TBC1D4: variants seen among roughly 807,000 people sequenced by gnomAD.
TBC1D4 encodes the protein TBC1 domain family member 4.
Under a neutral mutation model 142.5 loss-of-function variants are expected in TBC1D4, and 121 were observed. That is an observed-to-expected ratio of 0.85 (90% confidence interval 0.73 to 0.99). The LOEUF (loss-of-function observed/expected upper bound fraction) is 0.99, where lower values mean the gene tolerates loss of function less well. Among genes scored for constraint, TBC1D4 ranks in the 50% least tolerant of loss-of-function variants. The probability of loss-of-function intolerance (pLI) is 0.00; values close to 1 mark genes in which losing one functional copy is unlikely to be tolerated. For missense variants in TBC1D4, 1,475 were observed against 1,606.6 expected (o/e 0.92, Z 1.40); for synonymous variants, 630 against 628.2 (o/e 1.00, Z -0.04).
intron 1 of TBC1D4, among the ~76,000 whole-genome samples, chr13:75,412,408 G>A (rs2138404673): frequency 6.6e-6 from 1 of 152,166 alleles, no homozygotes; most frequent in South Asian, 2.1e-4. Context: ...TCAGGTTCCT[G>A]AGTAGCTGGG....
intron 4 of TBC1D4, among the ~76,000 whole-genome samples, chr13:75,354,732 A>G (rs1881899760): frequency 6.6e-6 from 1 of 151,964 alleles, no homozygotes; most frequent in Non-Finnish European, 1.5e-5. Context: ...ACATCCTAGG[A>G]TACCACTTTC....
intron 14 of TBC1D4, among the ~76,000 whole-genome samples, chr13:75,308,595 A>G (rs1443336599): frequency 6.6e-6 from 1 of 152,194 alleles, no homozygotes; most frequent in African/African-American, 2.4e-5. Flanking sequence ...TTTTATTTGT[A>G]CATACTCCCA....
chr13:75,348,292 G>C (rs750350527), intron 5 of TBC1D4, among the ~76,000 whole-genome samples: 37 of 152,216 alleles, frequency 2.4e-4, no homozygotes, highest in Middle Eastern at 3.4e-3. Context: ...CCAGTGTCTA[G>C]ACCAATCTCT....
intron 7 of TBC1D4, among the ~76,000 whole-genome samples, chr13:75,340,480 T>C (rs562736845): frequency 1.1e-3 from 162 of 152,304 alleles, no homozygotes; most frequent in Middle Eastern, 3.4e-3. Context: ...TGAAATAAAA[T>C]GTTCATATGA....
intron 1 of TBC1D4, among the ~76,000 whole-genome samples, chr13:75,480,070 T>A (rs556681488): frequency 1.3e-5 from 2 of 151,372 alleles, no homozygotes; most frequent in African/African-American, 2.4e-5. Context: ...ACTGATGAAA[T>A]CTAAGACAAT....
At chr13:75,404,822 T>C (rs1885252299) in intron 1 of TBC1D4, among the ~76,000 whole-genome samples, 1 of 152,174 alleles carries the variant, frequency 6.6e-6, no homozygotes, top group South Asian at 2.1e-4. Flanking sequence ...AGTTAAAAAT[T>C]GAACAAGAGT....
At chr13:75,455,900 T>TATTAACCAACCAGTTA (rs1419748604) in intron 1 of TBC1D4, among the ~76,000 whole-genome samples, 1 of 152,152 alleles carries the variant, frequency 6.6e-6, no homozygotes, top group Non-Finnish European at 1.5e-5. Flanking sequence ...TTAACAAAAA[T>TATTAACCAACCAGTTA]ATTAACCAAT....
intron 1 of TBC1D4, among the ~76,000 whole-genome samples, chr13:75,384,561 G>GAA (rs11452903): frequency 4.6e-5 from 6 of 130,190 alleles, no homozygotes; most frequent in Admixed American, 7.7e-5. Flanking sequence ...AAAGATAAAG[G>GAA]AAAAAAAAAA....
intron 19 of TBC1D4, among the ~76,000 whole-genome samples, chr13:75,290,116 A>G (rs1218750695): frequency 6.6e-6 from 1 of 152,154 alleles, no homozygotes; most frequent in Non-Finnish European, 1.5e-5. Flanking sequence ...TATATTTTTA[A>G]TTATAAATCA....
At chr13:75,469,956 G>A (rs574640965) in intron 1 of TBC1D4, among the ~76,000 whole-genome samples, 1 of 152,108 alleles carries the variant, frequency 6.6e-6, no homozygotes, top group South Asian at 2.1e-4. Context: ...CAGAGGAGAG[G>A]GCTGGGCTAT....
At chr13:75,298,916 T>G (rs1482461826) in intron 17 of TBC1D4, among the ~76,000 whole-genome samples, 1 of 152,194 alleles carries the variant, frequency 6.6e-6, no homozygotes, top group East Asian at 1.9e-4. Context: ...GCTATTTGTG[T>G]ACTCAAAAGT....
chr13:75,442,764 C>T (rs935401081), intron 1 of TBC1D4, among the ~76,000 whole-genome samples: 24 of 144,922 alleles, frequency 1.7e-4, no homozygotes, highest in East Asian at 1.6e-3. Flanking sequence ...GGCAACAGAG[C>T]GAGACTCGGT....
rs1407750295 is a variant in TBC1D4, at chr13:75,406,871, AG to A, written c.499-44265del. Reference sequence around the variant, plus strand: ...AGCCTTGGACTTGGAAAACAGACCCAGCACCTAAGGATTAATTAAGGGTCTC... The same window carrying A: ...AGCCTTGGACTTGGAAAACAGACCCACACCTAAGGATTAATTAAGGGTCTC... On this transcript the variant is annotated intron_variant, in intron 1 of 20. Transcript: ENST00000377636. Among the ~76,000 whole-genome samples the A allele has an allele frequency of 3.9e-5, 6 of 152,284 alleles. No homozygotes were observed. The East Asian group carries it at 1.2e-3, about 29-fold the overall frequency.
intron 20 of TBC1D4, 76 bp from the exon 21 acceptor site, chr13:75,287,101 A>G: frequency 3.6e-6 from 4 of 1,096,600 alleles, no homozygotes; most frequent in Non-Finnish European, 5.5e-6. Flanking sequence ...ATATTAACCA[A>G]TTACTTCAAA....
intron 4 of TBC1D4, among the ~76,000 whole-genome samples, chr13:75,354,877 C>A (rs1297505933): frequency 2.6e-5 from 4 of 152,188 alleles, no homozygotes; most frequent in African/African-American, 9.7e-5. Context: ...TCTCAAATTT[C>A]TATCTCAAGT....
rs190368195 is a variant in TBC1D4 at position 75,342,994 on chromosome 13, T to C, written c.1409-1407A>G. 2.6e-3 allele frequency among the ~76,000 whole-genome samples: 401 copies of C among 152,282 alleles called. 9 individuals carry two copies. In the South Asian group the frequency reaches 0.054, roughly 20 times the overall value. ...ATGTTTTCCATGTATTCTTTGTATT[T>C]ATTTACAAAGAATAAGACAAAGTAA... On this transcript the variant is annotated intron_variant, in intron 5 of 20. Transcript: ENST00000377636.
chr13:75,370,700 A>C (rs895806713), intron 1 of TBC1D4, among the ~76,000 whole-genome samples: 1 of 152,176 alleles, frequency 6.6e-6, no homozygotes. Context: ...CGCGTTTTGG[A>C]CACATTAATT....
At chr13:75,461,807 G>A (rs192861760) in intron 1 of TBC1D4, among the ~76,000 whole-genome samples, 50 of 152,224 alleles carry the variant, frequency 3.3e-4, no homozygotes, top group Admixed American at 2.0e-3. Context: ...TCTTCAACCA[G>A]GCCCTGAAAC....
intron 1 of TBC1D4, among the ~76,000 whole-genome samples, chr13:75,451,590 G>A (rs941817219): frequency 6.7e-6 from 1 of 150,282 alleles, no homozygotes; most frequent in East Asian, 1.9e-4. Context: ...TGAGGTGGGA[G>A]GATCCCTTGA....
Sources: allele counts gnomAD v4.1 joint callset (sites outside exome capture counted in the v4.1 genomes callset), GRCh38; gene constraint gnomAD v4.1.1; transcripts MANE v1.5; gene names NCBI Gene and HGNC (gene_info 2026-07-23, HGNC 2026-07-21).